CACNB4: variants seen among roughly 807,000 people sequenced by gnomAD.
CACNB4 encodes calcium voltage-gated channel auxiliary subunit beta 4.
In CACNB4, 32 loss-of-function variants were observed where a neutral mutation model predicts 71.2. The ratio of observed to expected loss-of-function variants is 0.45; its 90% CI spans 0.34 to 0.60. CACNB4 has a LOEUF of 0.60. Among genes scored for constraint, CACNB4 ranks in the 20% least tolerant of loss-of-function variants. CACNB4 has a pLI of 0.01. For missense variants in CACNB4, 464 were observed against 647.9 expected (o/e 0.72, Z 3.08); for synonymous variants, 231 against 236.9 (o/e 0.97, Z 0.23).
At chr2:151,916,976 T>G (rs2099857696) in intron 2 of CACNB4, among the ~76,000 whole-genome samples, 1 of 152,240 alleles carries the variant, frequency 6.6e-6, no homozygotes. Flanking sequence ...GACACTCTGG[T>G]ATAAAACCAC....
At chr2:151,875,666 G>T (rs1346370310) in intron 5 of CACNB4, among the ~76,000 whole-genome samples, 4 of 103,238 alleles carry the variant, frequency 3.9e-5, no homozygotes, top group Non-Finnish European at 7.6e-5. Flanking sequence ...CTGGCCGGGT[G>T]GGGGGCTGAC....
At chr2:151,969,628 AG>A (rs2099871997) in intron 2 of CACNB4, 1 of 152,228 alleles carries the variant, frequency 6.6e-6, no homozygotes. Flanking sequence ...ATGTAGGTGA[AG>A]GTACCAGGGT....
chr2:151,999,746 TGAAA>T (rs756506154), intron 2 of CACNB4, among the ~76,000 whole-genome samples: 111 of 152,314 alleles, frequency 7.3e-4, no homozygotes, highest in Non-Finnish European at 1.3e-3. Flanking sequence ...AAAAGTTAAT[TGAAA>T]ATTACTAACC....
intron 2 of CACNB4, among the ~76,000 whole-genome samples, chr2:152,040,103 C>A (rs566624362): frequency 1.1e-4 from 17 of 152,234 alleles, no homozygotes; most frequent in South Asian, 1.0e-3. Context: ...GGGAATGTCT[C>A]ATTTATGGGC....
At chr2:151,887,005 T>C (rs2099849515) in intron 2 of CACNB4, among the ~76,000 whole-genome samples, 1 of 152,180 alleles carries the variant, frequency 6.6e-6, no homozygotes, top group African/African-American at 2.4e-5. Flanking sequence ...CAAGTGGCCA[T>C]GCAAGGCTTA....
At chr2:151,946,057 G>T (rs114549473) in intron 2 of CACNB4, among the ~76,000 whole-genome samples, 2,499 of 152,074 alleles carry the variant, frequency 0.016, 28 homozygotes, top group Middle Eastern at 0.031. Flanking sequence ...GGCCAGGTGC[G>T]GTGGCTCACG....
intron 2 of CACNB4, among the ~76,000 whole-genome samples, chr2:151,977,582 G>A (rs2099874041): frequency 1.3e-5 from 2 of 152,184 alleles, no homozygotes; most frequent in South Asian, 4.1e-4. Flanking sequence ...TTTTCCACTT[G>A]TTTGGACAGA....
intron 2 of CACNB4, among the ~76,000 whole-genome samples, chr2:152,093,826 A>G (rs1342067845): frequency 6.6e-6 from 1 of 152,234 alleles, no homozygotes; most frequent in Non-Finnish European, 1.5e-5. Context: ...TCTGGTTAGT[A>G]CACAGAAATA....
intron 9 of CACNB4, among the ~76,000 whole-genome samples, chr2:151,862,878 G>C (rs761887084): frequency 1.3e-5 from 2 of 152,174 alleles, no homozygotes; most frequent in Non-Finnish European, 2.9e-5. Context: ...TATGAGTCAA[G>C]TGGTCAAGCA....
intron 2 of CACNB4, among the ~76,000 whole-genome samples, chr2:151,996,528 T>C (rs1682056930): frequency 6.6e-6 from 1 of 151,886 alleles, no homozygotes; most frequent in Non-Finnish European, 1.5e-5. Flanking sequence ...TTAGTCTTAA[T>C]GCTATGTCAG....
At chr2:151,889,142 G>A (rs925913303) in intron 2 of CACNB4, among the ~76,000 whole-genome samples, 4 of 152,136 alleles carry the variant, frequency 2.6e-5, no homozygotes, top group Admixed American at 6.5e-5. Context: ...TTAGATAAAC[G>A]AACGCTAATC....
intron 2 of CACNB4, among the ~76,000 whole-genome samples, chr2:152,026,379 C>CTTT (rs66836499): frequency 2.7e-5 from 4 of 149,658 alleles, no homozygotes; most frequent in African/African-American, 9.9e-5. Flanking sequence ...TCTCTAGTCC[C>CTTT]TTTTTTTTTT....
intron 2 of CACNB4, among the ~76,000 whole-genome samples, chr2:151,917,635 G>A (rs1012791469): frequency 2.0e-5 from 3 of 151,950 alleles, no homozygotes; most frequent in Non-Finnish European, 2.9e-5. Context: ...TCAGGAGTTC[G>A]AGACCAGCCT....
At chr2:152,026,600 G>A (rs965522358) in intron 2 of CACNB4, among the ~76,000 whole-genome samples, 5 of 152,204 alleles carry the variant, frequency 3.3e-5, no homozygotes, top group East Asian at 3.9e-4. Context: ...GGCCGGGCTC[G>A]AACTCCTGAC....
At chr2:151,926,369 T>C (rs1340812209) in intron 2 of CACNB4, among the ~76,000 whole-genome samples, 3 of 152,262 alleles carry the variant, frequency 2.0e-5, no homozygotes, top group South Asian at 2.1e-4. Context: ...ATGGAAGTCA[T>C]TGGCAACCCT....
At chr2:152,069,123 G>T (rs997066649) in intron 2 of CACNB4, among the ~76,000 whole-genome samples, 4 of 152,122 alleles carry the variant, frequency 2.6e-5, no homozygotes, top group Admixed American at 2.6e-4. Context: ...TCCCCCTACC[G>T]CTGTCCAGGG....
At chr2:152,095,883 C>T (rs1688239435) in intron 2 of CACNB4, among the ~76,000 whole-genome samples, 1 of 152,122 alleles carries the variant, frequency 6.6e-6, no homozygotes. Context: ...AAACTCCTGA[C>T]CTCAAGTGAT....
chr2:152,062,013 A>AAATAATAATAATAATAATAATAAT, intron 2 of CACNB4, among the ~76,000 whole-genome samples: 1 of 141,182 alleles, frequency 7.1e-6, no homozygotes, highest in South Asian at 2.4e-4. Flanking sequence ...TTCCATCTCA[A>AAATAATAATAATAATAATAATAAT]AATAATAATA....
chr2:152,093,222 CT>C (rs1212013162), intron 2 of CACNB4, among the ~76,000 whole-genome samples: 1 of 152,122 alleles, frequency 6.6e-6, no homozygotes, highest in East Asian at 1.9e-4. Flanking sequence ...GCCTTCTCTT[CT>C]TTTTTTAAAA....
Sources: gnomAD v4.1 joint callset for allele counts (sites outside exome capture counted in the v4.1 genomes callset) on GRCh38, gnomAD v4.1.1 for gene constraint, MANE v1.5 for transcripts, NCBI Gene and HGNC (gene_info 2026-07-23, HGNC 2026-07-21) for gene names.